The following TH variants were observed in gnomAD, a reference collection of about 807,000 sequenced individuals.
TH encodes tyrosine hydroxylase.
A neutral mutation model predicts 57.4 loss-of-function variants in TH; 49 were observed. The ratio of observed to expected loss-of-function variants is 0.85; its 90% CI spans 0.68 to 1.08. TH has a LOEUF of 1.08. Ranked by LOEUF, TH falls within the 50% of genes least tolerant of loss-of-function variation. The probability of loss-of-function intolerance (pLI) is 0.00; values close to 1 mark genes in which losing one functional copy is unlikely to be tolerated. For missense variants in TH, 720 were observed against 696.7 expected, an observed-to-expected ratio of 1.03 and a Z score of -0.38; for synonymous variants, 330 against 304.5, an observed-to-expected ratio of 1.08 and a Z score of -0.87.
At chr11:2,167,335 CCTG>C (rs1319433775) in intron 6 of TH, 97 bp downstream of exon 6, 40 of 1,374,432 alleles carry the variant, frequency 2.9e-5, no homozygotes, top group Non-Finnish European at 3.9e-5. Context: ...CTTAGTCTCT[CCTG>C]TTGTGCCAAG....
chr11:2,165,540 C>T, intron 11 of TH, 128 bp downstream of exon 11: 1 of 1,354,944 alleles, frequency 7.4e-7, no homozygotes, highest in South Asian at 1.2e-5. Flanking sequence ...GACAAGCCTT[C>T]TCCCAAACAG....
chr11:2,164,694 T>G (rs1846036050), intron 12 of TH, among the ~76,000 whole-genome samples: 1 of 152,110 alleles, frequency 6.6e-6, no homozygotes, highest in South Asian at 2.1e-4. Context: ...AGCCTGTGGG[T>G]GGAATTCAGC....
intron 11 of TH, 30 bp from the exon 12 acceptor site, chr11:2,165,395 C>A: frequency 6.2e-7 from 1 of 1,605,208 alleles, no homozygotes; most frequent in South Asian, 1.1e-5. Flanking sequence ...ATCACTGACT[C>A]CACTGCACCC....
chr11:2,165,326 G>A lies in TH; in HGVS notation c.1240C>T (p.Pro414Ser), dbSNP rs1846057550. The change falls in exon 12 of 13, where the codon CCT becomes TCT. Residue 414 changes from proline (P) to serine (S), a missense_variant. Pro to Ser is a moderately conservative substitution (Grantham distance 74, BLOSUM62 -1). Coordinates refer to ENST00000352909, the MANE Select transcript of TH (RefSeq NM_000360.4). Reference protein sequence around the residue: ...SEEPEIRAFDPEAAAVQPYQD... With the variant: ...SEEPEIRAFDSEAAAVQPYQD... ...TAGGGCTGCACGGCCGCAGCCTCAG[G>A]GTCGAAGGCCCGAATCTCAGGCTCC... The A allele has an allele frequency of 5.0e-6, 8 of 1,612,368 alleles. No homozygotes were observed. Among genetic ancestry groups the A allele is most frequent in the Non-Finnish European group, 6.8e-6 (8 of 1,179,984 alleles).
At chr11:2,169,434 C>T (rs1383007141) in intron 2 of TH, among the ~76,000 whole-genome samples, 1 of 152,136 alleles carries the variant, frequency 6.6e-6, no homozygotes, top group Non-Finnish European at 1.5e-5. Flanking sequence ...TTGGTAGCCT[C>T]AGCCCTAGGG....
intron 2 of TH, 58 bp from the exon 3 acceptor site, chr11:2,168,723 GAGGGT>G: frequency 2.5e-6 from 3 of 1,192,532 alleles, no homozygotes; most frequent in South Asian, 2.5e-5. Flanking sequence ...GATGGAGAGA[GAGGGT>G]GGGGTGGGCG....
rs768477227 is a variant in TH, at chr11:2,167,046, G to A, written c.696-14C>T. On this transcript the variant is annotated splice_polypyrimidine_tract_variant and intron_variant, in intron 6 of 12. Coordinates refer to ENST00000352909, the MANE Select transcript of TH (RefSeq NM_000360.4). ...TAGACCTCCTTCCTGCGGGCAGCCA[G>A]GCTCAGGGCCCTCTAATGCCCCACC... The A allele has an allele frequency of 4.5e-6, 7 of 1,572,462 alleles. No individual in the cohort carries two copies. The Admixed American group carries it at 1.3e-4, about 29-fold the overall frequency.
intron 5 of TH, 125 bp downstream of exon 5, chr11:2,167,741 G>A: frequency 7.9e-7 from 1 of 1,271,958 alleles, no homozygotes. Context: ...GAGCAGAGCT[G>A]CCTGGCAGGA....
intron 9 of TH, 52 bp from the exon 10 acceptor site, chr11:2,166,110 C>T: frequency 3.2e-6 from 5 of 1,540,724 alleles, no homozygotes; most frequent in Middle Eastern, 3.3e-4. Flanking sequence ...GGGTCATGCT[C>T]GAGGTGGGGG....
chr11:2,165,464 G>A (rs1228633536), intron 11 of TH, 99 bp from the exon 12 acceptor site: 2 of 1,554,594 alleles, frequency 1.3e-6, no homozygotes, highest in Middle Eastern at 2.0e-4. Flanking sequence ...CTTGGGTAGA[G>A]TCACCCCCAT....
In TH at chr11:2,166,998, C is replaced by A. The variant is rs759968927; in HGVS notation, c.730G>T (p.Ala244Ser). 58 of 1,588,584 alleles carry A rather than the reference C, an allele frequency of 3.7e-5. No homozygotes were observed. The highest frequency in any genetic ancestry group is 4.8e-5 in the Non-Finnish European group (56 of 1,167,992). The change falls in exon 7 of 13, where the codon GCC (alanine) becomes TCC (serine). Residue 244 changes from alanine to serine, a missense_variant. By Grantham distance (99) the Ala-to-Ser change is moderately conservative. Coordinates refer to ENST00000352909, the MANE Select transcript of TH (RefSeq NM_000360.4). ...EVYTTLKGLY[A>S]THACGEHLEA... ...AGGTGCTCCCCGCAGGCGTGCGTGGCGTAGAGGCCCTTCAGCGTGGTGTAG... is the reference window on the plus strand; with the variant it reads ...AGGTGCTCCCCGCAGGCGTGCGTGGAGTAGAGGCCCTTCAGCGTGGTGTAG...
At position 2,169,721 on chromosome 11, in the gene TH, C is replaced by T. The variant is rs6356; in HGVS notation, c.241G>A (p.Val81Met). 0.38 allele frequency: 615,084 copies of T among 1,612,890 alleles called. 124,968 individuals carry two copies. Among genetic ancestry groups the T allele is most frequent in the East Asian group, 0.75 (33,520 of 44,838 alleles). The change falls in exon 2 of 13, where the codon GTG becomes ATG. Residue 81 changes from valine to methionine, a missense_variant. Transcript: ENST00000352909. The stretch of plus-strand genomic sequence containing the variant: ...CTCGGGGAGAAGAGCAGGTTTAGCA[C>T]GGCCTTCCCCTCCTTCTCCTCAAAG... ...VAFEEKEGKA[V>M]LNLLFSPRAT...
chr11:2,166,416 C>T (rs1184986851), intron 9 of TH, 64 bp downstream of exon 9: 7 of 1,519,546 alleles, frequency 4.6e-6, no homozygotes, highest in Admixed American at 4.0e-5. Flanking sequence ...CATCGATCCC[C>T]GCCCGCCCCC....
intron 2 of TH, 56 bp from the exon 3 acceptor site, chr11:2,168,721 G>T: frequency 1.7e-6 from 2 of 1,175,632 alleles, no homozygotes; most frequent in South Asian, 1.3e-5. Context: ...GAGATGGAGA[G>T]AGAGGGTGGG....
chr11:2,165,475 C>T (rs933250169), intron 11 of TH, 110 bp from the exon 12 acceptor site: 4 of 1,533,874 alleles, frequency 2.6e-6, no homozygotes, highest in Non-Finnish European at 3.6e-6. Context: ...TCACCCCCAT[C>T]TCCCCCGCCG....
intron 2 of TH, 129 bp downstream of exon 2, chr11:2,169,521 T>G: frequency 1.1e-6 from 1 of 878,402 alleles, no homozygotes; most frequent in Non-Finnish European, 1.9e-6. Flanking sequence ...GAGACTCCCC[T>G]GCTGCATCCT....
At position 2,169,853 on chromosome 11, in the gene TH, G is replaced by T. The variant is rs775339040; in HGVS notation, c.109C>A (p.Arg37Ser). The change falls in exon 2 of 13, where the codon CGC becomes AGC. Residue 37 changes from arginine to serine, a missense_variant. Coordinates refer to ENST00000352909, the MANE Select transcript of TH (RefSeq NM_000360.4). ...EAIMSPRFIG[R>S]RQSLIEDARK... Reference sequence around the variant, plus strand: ...GCGTCCTCGATGAGGCTCTGCCTGCGCCCAATGAACCGCGGGGACTGTGGG... The same window carrying T: ...GCGTCCTCGATGAGGCTCTGCCTGCTCCCAATGAACCGCGGGGACTGTGGG... 1.9e-6 allele frequency: 3 copies of T among 1,610,072 alleles called. No homozygotes were observed. Among genetic ancestry groups the T allele is most frequent in the Non-Finnish European group, 2.5e-6 (3 of 1,179,558 alleles).
intron 9 of TH, 23 bp downstream of exon 9, chr11:2,166,457 C>T (rs1846092409): frequency 1.3e-6 from 2 of 1,556,928 alleles, no homozygotes; most frequent in Non-Finnish European, 8.6e-7. Flanking sequence ...GTGACCCCGG[C>T]TCCCTCCGAG....
At chr11:2,169,598 A>G in intron 2 of TH, 52 bp downstream of exon 2, 1 of 1,581,302 alleles carries the variant, frequency 6.3e-7, no homozygotes, top group Non-Finnish European at 8.7e-7. Context: ...CAGCCCACAC[A>G]GCCCCACCCA....
Sources: gnomAD v4.1 joint callset for allele counts (sites outside exome capture counted in the v4.1 genomes callset) on GRCh38, gnomAD v4.1.1 for gene constraint, MANE v1.5 for transcripts, NCBI Gene and HGNC (gene_info 2026-07-23, HGNC 2026-07-21) for gene names.